HESX1: variants seen among roughly 807,000 people sequenced by gnomAD.
HESX1 encodes the protein HESX homeobox 1.
Under a neutral mutation model 22.5 loss-of-function variants are expected in HESX1, and 11 were observed. The observed-to-expected ratio is 0.49, with a 90% CI of 0.31 to 0.81. The LOEUF is 0.81. HESX1 is among the 30% of genes least tolerant of loss of function. The pLI, the probability that HESX1 is intolerant of heterozygous loss-of-function variation, is 0.05. For missense variants in HESX1, 201 were observed against 212.6 expected (o/e 0.95, Z 0.34); for synonymous variants, 74 against 76.5 (o/e 0.97, Z 0.17).
chr3:57,200,020 A>T, upstream of HESX1: 2 of 998,568 alleles, frequency 2.0e-6, no homozygotes, highest in South Asian at 2.6e-5. Context: ...AGCTCCGCTG[A>T]CAAGGGGGCT....
intron 1 of HESX1, among the ~76,000 whole-genome samples, chr3:57,221,591 T>C (rs2060616118): frequency 6.6e-6 from 1 of 152,152 alleles, no homozygotes; most frequent in South Asian, 2.1e-4. Context: ...AGCTGTAATA[T>C]GCTATACTTC....
At chr3:57,224,466 A>G in intron 1 of HESX1, among the ~76,000 whole-genome samples, 1 of 152,074 alleles carries the variant, frequency 6.6e-6, no homozygotes, top group East Asian at 1.9e-4. Context: ...TTTAAATACA[A>G]AGTGATTTAG....
chr3:57,207,266 G>A (rs751492816), intron 1 of HESX1, among the ~76,000 whole-genome samples: 1 of 152,060 alleles, frequency 6.6e-6, no homozygotes, highest in African/African-American at 2.4e-5. Flanking sequence ...TAGTTTTTAG[G>A]TAAAGGTTAA....
upstream of HESX1, among the ~76,000 whole-genome samples, chr3:57,201,875 A>ATCTATATCTATCTATCTATCTATC (rs796249286): frequency 7.6e-6 from 1 of 131,844 alleles, no homozygotes; most frequent in Admixed American, 7.9e-5. Flanking sequence ...CTATCTATCT[A>ATCTATATCTATCTATCTATCTATC]TATCTATCTA....
intron 1 of HESX1, among the ~76,000 whole-genome samples, chr3:57,224,465 A>G (rs1559503281): frequency 6.6e-6 from 1 of 152,124 alleles, no homozygotes; most frequent in Non-Finnish European, 1.5e-5. Flanking sequence ...TTTTAAATAC[A>G]AAGTGATTTA....
At chr3:57,209,269 A>T (rs1003235219) in intron 1 of HESX1, among the ~76,000 whole-genome samples, 1 of 152,242 alleles carries the variant, frequency 6.6e-6, no homozygotes, top group African/African-American at 2.4e-5. Flanking sequence ...TCCAAACAGA[A>T]TAACACAGAC....
At chr3:57,220,761 A>G (rs1033202525) in intron 1 of HESX1, among the ~76,000 whole-genome samples, 5 of 152,098 alleles carry the variant, frequency 3.3e-5, no homozygotes, top group African/African-American at 1.2e-4. Flanking sequence ...TATATCACCA[A>G]TTCTCCAGTT....
At chr3:57,216,200 T>C (rs540281012) in intron 1 of HESX1, among the ~76,000 whole-genome samples, 1 of 152,378 alleles carries the variant, frequency 6.6e-6, no homozygotes, top group South Asian at 2.1e-4. Flanking sequence ...TTGTCTTCAA[T>C]TGTGTCTCTT....
At chr3:57,204,347 C>G (rs2060507862), upstream of HESX1, among the ~76,000 whole-genome samples, 1 of 152,090 alleles carries the variant, frequency 6.6e-6, no homozygotes, top group South Asian at 2.1e-4. Flanking sequence ...TTATTATATA[C>G]ATAGCATTTT....
chr3:57,198,767 A>G lies in HESX1; in HGVS notation c.343T>C (p.Phe115Leu). The G allele has an allele frequency of 1.2e-6, 2 of 1,614,030 alleles. No homozygotes were observed. The highest frequency in any genetic ancestry group is 1.7e-6 in the Non-Finnish European group (2 of 1,179,984). ...AAACTTCCCACCTGGTTTTGAGTAA[A>G]AGCAGTTCTTGGTCTTCGGCCTCTA... is the stretch of plus-strand genomic sequence containing the variant. ...WYRGRRPRTA[F>L]TQNQIEVLEN... The change falls in exon 2 of 4, where the codon TTT (phenylalanine) becomes CTT (leucine). Residue 115 changes from phenylalanine to leucine, a missense_variant. Coordinates refer to ENST00000295934, the MANE Select transcript of HESX1 (RefSeq NM_003865.3).
At chr3:57,216,178 C>A (rs1456340526) in intron 1 of HESX1, among the ~76,000 whole-genome samples, 2 of 152,214 alleles carry the variant, frequency 1.3e-5, no homozygotes, top group Non-Finnish European at 2.9e-5. Context: ...TAATCCAGTT[C>A]AGAATCACAC....
chr3:57,222,170 C>G (rs1048508939), intron 1 of HESX1, among the ~76,000 whole-genome samples: 5 of 152,148 alleles, frequency 3.3e-5, no homozygotes, highest in African/African-American at 7.2e-5. Flanking sequence ...CTGGTATAAT[C>G]AATTCTGCTA....
chr3:57,209,671 CAAAAAAAAAA>C (rs71088042), intron 1 of HESX1, among the ~76,000 whole-genome samples: 15 of 82,144 alleles, frequency 1.8e-4, no homozygotes, highest in Non-Finnish European at 3.3e-4. Context: ...AGCTCCATCT[CAAAAAAAAAA>C]AAAAAAAAAG....
chr3:57,203,014 C>T (rs1342978114), upstream of HESX1, among the ~76,000 whole-genome samples: 1 of 152,110 alleles, frequency 6.6e-6, no homozygotes, highest in Non-Finnish European at 1.5e-5. Flanking sequence ...TTTGGAGAGC[C>T]AGGCTAGGCT....
chr3:57,209,910 T>C (rs149152686), intron 1 of HESX1, among the ~76,000 whole-genome samples: 20 of 152,280 alleles, frequency 1.3e-4, no homozygotes, highest in African/African-American at 4.1e-4. Context: ...TCACGAATCT[T>C]TTATCATTTG....
intron 1 of HESX1, among the ~76,000 whole-genome samples, chr3:57,225,743 G>A (rs755691849): frequency 2.6e-4 from 40 of 152,072 alleles, no homozygotes; most frequent in Non-Finnish European, 1.2e-4. Context: ...CAGTTTAGAT[G>A]TACATAACAT....
chr3:57,226,177 C>CT (rs1343540663), intron 1 of HESX1: 1,646 of 146,564 alleles, frequency 0.011, 27 homozygotes, highest in African/African-American at 0.036. Flanking sequence ...AGCGCCAGGC[C>CT]TTTTTTTTTT....
chr3:57,220,281 T>A (rs2060608383), intron 1 of HESX1, among the ~76,000 whole-genome samples: 1 of 152,226 alleles, frequency 6.6e-6, no homozygotes, highest in Non-Finnish European at 1.5e-5. Flanking sequence ...ATGACTTTTT[T>A]AAAGCATTGT....
At chr3:57,202,543 G>A (rs895938301), upstream of HESX1, among the ~76,000 whole-genome samples, 1 of 152,016 alleles carries the variant, frequency 6.6e-6, no homozygotes, top group African/African-American at 2.4e-5. Context: ...CACCATGTTG[G>A]CCAGGCTGGT....
Sources: gnomAD v4.1 joint callset for allele counts (sites outside exome capture counted in the v4.1 genomes callset) on GRCh38, gnomAD v4.1.1 for gene constraint, MANE v1.5 for transcripts, NCBI Gene and HGNC (gene_info 2026-07-23, HGNC 2026-07-21) for gene names.